The following MSI2 variants were observed in gnomAD, a reference collection of about 807,000 sequenced individuals.
MSI2 encodes the protein RNA-binding protein Musashi homolog 2.
MSI2 carries 17 observed loss-of-function variants against 45.6 expected under a neutral mutation model. The observed-to-expected ratio is 0.37, with a 90% CI of 0.26 to 0.56. The LOEUF (loss-of-function observed/expected upper bound fraction) is 0.56. Ranked by LOEUF, MSI2 falls within the 20% of genes least tolerant of loss-of-function variation. The pLI is 0.77. For missense variants in MSI2, 293 were observed against 444.2 expected (o/e 0.66, Z 3.06); for synonymous variants, 156 against 158.2 (o/e 0.99, Z 0.11).
At chr17:57,618,612 C>T (rs887932020) in intron 9 of MSI2, among the ~76,000 whole-genome samples, 1 of 152,170 alleles carries the variant, frequency 6.6e-6, no homozygotes, top group Non-Finnish European at 1.5e-5. Flanking sequence ...GGCGCGATCT[C>T]AGCTCACTGC....
chr17:57,381,878 A>G (rs2083603993), intron 5 of MSI2, among the ~76,000 whole-genome samples: 2 of 152,164 alleles, frequency 1.3e-5, no homozygotes, highest in Non-Finnish European at 1.5e-5. Flanking sequence ...TTCTTTGCCT[A>G]TTTTCCACGC....
chr17:57,287,653 G>A (rs977052117), intron 5 of MSI2, among the ~76,000 whole-genome samples: 4 of 152,166 alleles, frequency 2.6e-5, no homozygotes, highest in Non-Finnish European at 4.4e-5. Flanking sequence ...CGGCTCCTAC[G>A]TGGGGCATTG....
At chr17:57,537,402 T>G (rs561866311) in intron 7 of MSI2, among the ~76,000 whole-genome samples, 3 of 152,348 alleles carry the variant, frequency 2.0e-5, no homozygotes, top group Admixed American at 1.3e-4. Flanking sequence ...CTTTGCCATC[T>G]TTCAGAGACC....
chr17:57,368,044 G>T (rs1484638029), intron 5 of MSI2, among the ~76,000 whole-genome samples: 1 of 152,170 alleles, frequency 6.6e-6, no homozygotes, highest in Non-Finnish European at 1.5e-5. Flanking sequence ...TAGAACAGTG[G>T]TACCCAAATT....
chr17:57,392,996 G>A (rs1272645697), intron 5 of MSI2, among the ~76,000 whole-genome samples: 3 of 151,986 alleles, frequency 2.0e-5, no homozygotes, highest in African/African-American at 4.8e-5. Flanking sequence ...CAATTTTAGA[G>A]CATTTTTATC....
intron 5 of MSI2, among the ~76,000 whole-genome samples, chr17:57,352,165 T>G (rs1012590992): frequency 2.6e-5 from 4 of 152,218 alleles, no homozygotes; most frequent in Non-Finnish European, 5.9e-5. Flanking sequence ...ACTCAACAAG[T>G]ATATGTCACG....
chr17:57,360,390 G>C (rs926075127), intron 5 of MSI2, among the ~76,000 whole-genome samples: 1 of 152,258 alleles, frequency 6.6e-6, no homozygotes, highest in Non-Finnish European at 1.5e-5. Flanking sequence ...CTCTAGGAGA[G>C]GCTAGTCAGC....
chr17:57,558,981 G>C (rs2087508245), intron 7 of MSI2, among the ~76,000 whole-genome samples: 1 of 152,150 alleles, frequency 6.6e-6, no homozygotes. Context: ...AGAATCACTT[G>C]AACCCAGGAG....
intron 7 of MSI2, among the ~76,000 whole-genome samples, chr17:57,591,855 T>A (rs982184890): frequency 1.1e-4 from 17 of 151,738 alleles, no homozygotes; most frequent in Non-Finnish European, 2.9e-5. Flanking sequence ...GCATTTTAAG[T>A]GTACTTAATG....
intron 7 of MSI2, among the ~76,000 whole-genome samples, chr17:57,541,293 C>A (rs1258427269): frequency 6.6e-6 from 1 of 152,118 alleles, no homozygotes; most frequent in Non-Finnish European, 1.5e-5. Context: ...TTCCCAACTC[C>A]AGCGACACAA....
chr17:57,397,450 T>G (rs970888801), intron 5 of MSI2, among the ~76,000 whole-genome samples: 5 of 152,170 alleles, frequency 3.3e-5, no homozygotes, highest in Non-Finnish European at 7.3e-5. Flanking sequence ...CACCCTCACG[T>G]GTCCATAGAA....
At chr17:57,594,071 G>A (rs1598431656) in intron 7 of MSI2, among the ~76,000 whole-genome samples, 2 of 152,374 alleles carry the variant, frequency 1.3e-5, no homozygotes, top group Admixed American at 1.3e-4. Flanking sequence ...CCCTGGAGGA[G>A]CAGAAATGGC....
chr17:57,679,606 G>C lies in MSI2; in HGVS notation c.*89G>C. ...AAGTTTCTGAGTGGCCCTTTGTTTA[G>C]GTGATGTCCTCAGACCTGGACCCCC... is the stretch of plus-strand genomic sequence containing the variant. On this transcript the variant is annotated 3_prime_UTR_variant, in exon 14 of 14. Transcript: ENST00000284073. 1 of 1,063,128 alleles carries C rather than the reference G, an allele frequency of 9.4e-7. No homozygotes were observed. The highest frequency in any genetic ancestry group is 1.1e-6 in the Non-Finnish European group (1 of 877,678). The allele number at this position is 1,063,128 out of a possible 1,614,324, so 65.9% of individuals were successfully genotyped here. A position where few individuals can be genotyped will look rare whatever the true frequency, so the allele number is the denominator to read the frequency against.
intron 10 of MSI2, among the ~76,000 whole-genome samples, chr17:57,639,269 C>G (rs1910068170): frequency 6.6e-6 from 1 of 152,250 alleles, no homozygotes; most frequent in Admixed American, 6.5e-5. Flanking sequence ...GTTCGCCAGG[C>G]AGATGATGAG....
intron 5 of MSI2, among the ~76,000 whole-genome samples, chr17:57,353,231 ATCGGAG>A (rs1372377180): frequency 6.6e-6 from 1 of 152,188 alleles, no homozygotes; most frequent in Non-Finnish European, 1.5e-5. Context: ...CCAGACCATT[ATCGGAG>A]TTGTACTGAC....
chr17:57,550,180 A>G (rs1417479515), intron 7 of MSI2, among the ~76,000 whole-genome samples: 1 of 152,176 alleles, frequency 6.6e-6, no homozygotes, highest in Non-Finnish European at 1.5e-5. Context: ...CTATCAGTGC[A>G]TGGGAGAGGG....
At chr17:57,284,147 G>T (rs1909662469) in intron 5 of MSI2, among the ~76,000 whole-genome samples, 1 of 152,132 alleles carries the variant, frequency 6.6e-6, no homozygotes, top group South Asian at 2.1e-4. Context: ...CCAAGTATTG[G>T]TTTCTTTTCA....
intron 5 of MSI2, among the ~76,000 whole-genome samples, chr17:57,285,059 C>T (rs1237953952): frequency 1.3e-5 from 2 of 151,994 alleles, no homozygotes; most frequent in African/African-American, 2.4e-5. Context: ...CATAGATTGG[C>T]GTCGGTTTCT....
intron 5 of MSI2, among the ~76,000 whole-genome samples, chr17:57,316,329 T>C (rs1166727917): frequency 6.6e-6 from 1 of 151,822 alleles, no homozygotes; most frequent in East Asian, 1.9e-4. Context: ...CTACTTTTTT[T>C]TTTTTTTTTT....
Sources: gnomAD v4.1 joint callset for allele counts (sites outside exome capture counted in the v4.1 genomes callset) on GRCh38, gnomAD v4.1.1 for gene constraint, MANE v1.5 for transcripts, NCBI Gene and HGNC (gene_info 2026-07-23, HGNC 2026-07-21) for gene names.